SLC16A7: variants seen among roughly 807,000 people sequenced by gnomAD.
SLC16A7 encodes the protein solute carrier family 16 member 7.
Under a neutral mutation model 34.9 loss-of-function variants are expected in SLC16A7, and 33 were observed. That is an observed-to-expected ratio of 0.94 (90% CI 0.72 to 1.26). The LOEUF (loss-of-function observed/expected upper bound fraction) is 1.26, where lower values mean the gene tolerates loss of function less well. Ranked by LOEUF, SLC16A7 falls within the 50% of genes most tolerant of loss-of-function variation. The pLI is 0.00. For missense variants in SLC16A7, 573 were observed against 578.1 expected (o/e 0.99, Z 0.09); for synonymous variants, 201 against 206.6 (o/e 0.97, Z 0.23).
chr12:59,641,599 C>G (rs969120145), intron 1 of SLC16A7, among the ~76,000 whole-genome samples: 1 of 151,614 alleles, frequency 6.6e-6, no homozygotes, highest in Admixed American at 6.6e-5. Flanking sequence ...AAAATTAGTC[C>G]GTTGTACAAA....
intron 3 of SLC16A7, among the ~76,000 whole-genome samples, chr12:59,717,802 CTCT>C (rs1875096058): frequency 6.6e-6 from 1 of 152,112 alleles, no homozygotes; most frequent in Non-Finnish European, 1.5e-5. Context: ...TATTTGTAAT[CTCT>C]TGTTTATTTG....
At chr12:59,776,225 A>G (rs989708107) in intron 5 of SLC16A7, among the ~76,000 whole-genome samples, 3 of 152,180 alleles carry the variant, frequency 2.0e-5, no homozygotes, top group Admixed American at 2.0e-4. Flanking sequence ...AGAGAGAGAG[A>G]GAGAAATAGA....
chr12:59,620,764 A>G (rs947418160), intron 1 of SLC16A7, among the ~76,000 whole-genome samples: 6 of 151,942 alleles, frequency 3.9e-5, no homozygotes, highest in Non-Finnish European at 4.4e-5. Flanking sequence ...ACATGGCTCA[A>G]AAGGGAAGCA....
At chr12:59,746,243 C>T (rs1878877453) in intron 3 of SLC16A7, among the ~76,000 whole-genome samples, 1 of 152,144 alleles carries the variant, frequency 6.6e-6, no homozygotes, top group African/African-American at 2.4e-5. Flanking sequence ...ATGTGAAGCA[C>T]AAGGAGTAAT....
At chr12:59,625,968 A>G (rs1401425885) in intron 1 of SLC16A7, among the ~76,000 whole-genome samples, 2 of 151,870 alleles carry the variant, frequency 1.3e-5, no homozygotes, top group South Asian at 4.1e-4. Context: ...AAAAAGTTAC[A>G]TTGACTGAGT....
intron 1 of SLC16A7, among the ~76,000 whole-genome samples, chr12:59,645,502 G>A (rs144965761): frequency 9.2e-5 from 14 of 152,236 alleles, no homozygotes; most frequent in Admixed American, 7.2e-4. Context: ...AAGTGAAGAA[G>A]GATGTGTTTG....
chr12:59,677,773 A>C (rs1449364294), intron 2 of SLC16A7, among the ~76,000 whole-genome samples: 1 of 152,248 alleles, frequency 6.6e-6, no homozygotes, highest in African/African-American at 2.4e-5. Flanking sequence ...TGAAAGGTTT[A>C]AGAAAAATGT....
chr12:59,683,154 C>G (rs1870882227), intron 2 of SLC16A7, among the ~76,000 whole-genome samples: 1 of 152,078 alleles, frequency 6.6e-6, no homozygotes, highest in Non-Finnish European at 1.5e-5. Flanking sequence ...CTCAAATCTA[C>G]CAATCATTTC....
chr12:59,765,784 T>A (rs1881549170), intron 3 of SLC16A7, among the ~76,000 whole-genome samples: 1 of 152,200 alleles, frequency 6.6e-6, no homozygotes, highest in African/African-American at 2.4e-5. Flanking sequence ...CCAGCTGTGT[T>A]CTTTTGACTT....
In SLC16A7 at chr12:59,782,005, C is replaced by G. The variant is rs1053735197; in HGVS notation, c.*2326C>G. 6.6e-6 allele frequency: 1 copy of G among 152,162 alleles called. No homozygotes were observed. The allele number at this position is 152,162 out of a possible 1,614,324, so 9.4% of individuals were successfully genotyped here. On this transcript the variant is annotated 3_prime_UTR_variant, in exon 6 of 6. Transcript: ENST00000547379. The stretch of plus-strand genomic sequence containing the variant: ...GGTTTATTTACTTACTGATGAGTTT[C>G]TCGTCACGTCAAAACCAGTTCACAT...
chr12:59,752,625 C>A (rs1318406976), intron 3 of SLC16A7, among the ~76,000 whole-genome samples: 1 of 151,986 alleles, frequency 6.6e-6, no homozygotes, highest in South Asian at 2.1e-4. Context: ...AAATCTATGT[C>A]TCATTGGTGT....
At chr12:59,769,361 T>C (rs1881998125) in intron 3 of SLC16A7, 1 of 152,128 alleles carries the variant, frequency 6.6e-6, no homozygotes, top group Non-Finnish European at 1.5e-5. Context: ...GTGTTATATA[T>C]ATTCTCTACG....
In SLC16A7 at chr12:59,666,663, C is replaced by T. The variant is rs147461253; in HGVS notation, c.-31+11413C>T. Reference sequence around the variant, plus strand: ...CTCTCTTGCCTGCCACCATGTATGACGTGCCTTTACTTCTCCTTTGCCTTC... The same window carrying T: ...CTCTCTTGCCTGCCACCATGTATGATGTGCCTTTACTTCTCCTTTGCCTTC... On this transcript the variant is annotated intron_variant, in intron 2 of 5. Transcript: ENST00000547379. Among the ~76,000 whole-genome samples, 36 of 152,250 alleles carry T rather than the reference C, an allele frequency of 2.4e-4. 1 individual carries two copies. In the East Asian group the frequency reaches 5.6e-3, roughly 24 times the overall value.
rs1470573052 is a variant in SLC16A7, at chr12:59,789,576, T to A, written c.*9897T>A. The A allele has an allele frequency of 6.6e-6, 1 of 152,140 alleles. No individual in the cohort carries two copies. The highest frequency in any genetic ancestry group is 1.5e-5 in the Non-Finnish European group (1 of 68,022). 9.4% of individuals were successfully genotyped at this position (152,140 alleles called of 1,614,324 possible). A position where few individuals can be genotyped will look rare whatever the true frequency, so the allele number is the denominator to read the frequency against. On this transcript the variant is annotated 3_prime_UTR_variant, in exon 6 of 6. Transcript: ENST00000547379. ...AGTGCTTCTATCTGCTGAGCTTTAT[T>A]TATTGTTTTTGGACAGAAAGTTTGG...
At chr12:59,732,540 A>T (rs1196734557) in intron 3 of SLC16A7, among the ~76,000 whole-genome samples, 1 of 152,242 alleles carries the variant, frequency 6.6e-6, no homozygotes, top group Non-Finnish European at 1.5e-5. Flanking sequence ...TGTGCACAGA[A>T]GATCATATGT....
At chr12:59,691,646 C>T (rs1424290183) in intron 2 of SLC16A7, among the ~76,000 whole-genome samples, 1 of 151,946 alleles carries the variant, frequency 6.6e-6, no homozygotes, top group Non-Finnish European at 1.5e-5. Context: ...TCTGTGTATA[C>T]AATTTAAAAT....
intron 1 of SLC16A7, among the ~76,000 whole-genome samples, chr12:59,611,991 A>G (rs542689257): frequency 1.3e-5 from 2 of 152,340 alleles, no homozygotes; most frequent in South Asian, 4.1e-4. Context: ...TTTTCCAGGC[A>G]CATGGTGCAA....
rs146281352 is a variant in SLC16A7 at position 59,616,523 on chromosome 12, AAG to A, written c.-130+20289_-130+20290del. On this transcript the variant is annotated intron_variant, in intron 1 of 5. Coordinates refer to ENST00000547379, the MANE Select transcript of SLC16A7 (RefSeq NM_001270623.2). ...AAGAATTAGTTTTTAAAATACAAAA[AAG>A]AAATATGTGCAGTTGATTTTTAAGT... is the stretch of plus-strand genomic sequence containing the variant. Among the ~76,000 whole-genome samples the A allele has an allele frequency of 2.8e-3, 430 of 152,272 alleles. 6 individuals carry two copies. In the East Asian group the frequency reaches 0.036, roughly 13 times the overall value.
At position 59,781,870 on chromosome 12, in the gene SLC16A7, A is replaced by G. The variant is rs574812632; in HGVS notation, c.*2191A>G. 2 of 152,288 alleles carry G rather than the reference A, an allele frequency of 1.3e-5. No individual in the cohort carries two copies. Among genetic ancestry groups the G allele is most frequent in the East Asian group, 3.9e-4 (2 of 5,180 alleles). 9.4% of individuals were successfully genotyped at this position (152,288 alleles called of 1,614,324 possible). On this transcript the variant is annotated 3_prime_UTR_variant, in exon 6 of 6. Coordinates refer to ENST00000547379, the MANE Select transcript of SLC16A7 (RefSeq NM_001270623.2). ...AGATACCAGGGGGAAATAAATGGCA[A>G]AGTAATAATCATGAGGTTTTAGGTC...
Sources: gnomAD v4.1 joint callset for allele counts (sites outside exome capture counted in the v4.1 genomes callset) on GRCh38, gnomAD v4.1.1 for gene constraint, MANE v1.5 for transcripts, NCBI Gene and HGNC (gene_info 2026-07-23, HGNC 2026-07-21) for gene names.